Variants in TMCC1 observed in about 807,000 individuals in gnomAD.
TMCC1 encodes the protein transmembrane and coiled-coil domains protein 1.
In TMCC1, 15 loss-of-function variants were observed where a neutral mutation model predicts 52.4. The observed-to-expected ratio is 0.29, with a 90% confidence interval of 0.19 to 0.44. TMCC1 has a LOEUF of 0.44. TMCC1 is among the 20% of genes least tolerant of loss of function. The probability of loss-of-function intolerance (pLI) is 1.00; values close to 1 mark genes in which losing one functional copy is unlikely to be tolerated. For missense variants in TMCC1, 503 were observed against 806.0 expected (o/e 0.62, Z 4.55); for synonymous variants, 279 against 301.9 (o/e 0.92, Z 0.79).
intron 4 of TMCC1, among the ~76,000 whole-genome samples, chr3:129,765,652 A>G (rs1443233563): frequency 6.6e-6 from 1 of 152,150 alleles, no homozygotes; most frequent in East Asian, 1.9e-4. Flanking sequence ...CTCCTAGCTT[A>G]CCCAGAATTT....
chr3:129,774,619 G>A (rs2054876020), intron 4 of TMCC1, among the ~76,000 whole-genome samples: 1 of 152,168 alleles, frequency 6.6e-6, no homozygotes, highest in Non-Finnish European at 1.5e-5. Context: ...AGAGCTGGCA[G>A]ATCAGAAACC....
intron 4 of TMCC1, among the ~76,000 whole-genome samples, chr3:129,756,649 G>A (rs1369056285): frequency 1.3e-5 from 2 of 150,668 alleles, no homozygotes; most frequent in Non-Finnish European, 3.0e-5. Flanking sequence ...CACCCACCTC[G>A]GCCTCCCAAA....
chr3:129,759,452 G>C (rs914016291), intron 4 of TMCC1, among the ~76,000 whole-genome samples: 1 of 151,750 alleles, frequency 6.6e-6, no homozygotes, highest in Non-Finnish European at 1.5e-5. Flanking sequence ...GTTTTTAGTA[G>C]AGATGGGGTT....
intron 4 of TMCC1, chr3:129,688,709 G>C: frequency 4.1e-6 from 4 of 985,458 alleles, no homozygotes; most frequent in Non-Finnish European, 4.8e-6. Context: ...CGCGCACGCA[G>C]TTTGCTAGAG....
At chr3:129,770,115 A>C (rs916509435) in intron 4 of TMCC1, among the ~76,000 whole-genome samples, 1 of 152,150 alleles carries the variant, frequency 6.6e-6, no homozygotes, top group African/African-American at 2.4e-5. Context: ...TTGGGAAGCA[A>C]CTCTAAGGTT....
At chr3:129,721,776 T>C (rs145882721) in intron 4 of TMCC1, among the ~76,000 whole-genome samples, 127 of 151,310 alleles carry the variant, frequency 8.4e-4, no homozygotes, top group Middle Eastern at 7.0e-3. Flanking sequence ...CTCGTGAGGC[T>C]GAGGCAGGAG....
chr3:129,873,076 T>C (rs926536086), intron 2 of TMCC1, among the ~76,000 whole-genome samples: 3 of 152,072 alleles, frequency 2.0e-5, no homozygotes, highest in East Asian at 3.9e-4. Context: ...AGTTTTTGTA[T>C]TTTTAGTAGA....
chr3:129,765,874 G>C (rs1440778990), intron 4 of TMCC1, among the ~76,000 whole-genome samples: 2 of 151,636 alleles, frequency 1.3e-5, no homozygotes, highest in Admixed American at 6.6e-5. Context: ...CTAAAACTGG[G>C]AAGAGGAGGG....
chr3:129,713,137 C>T (rs1375659474), intron 4 of TMCC1, among the ~76,000 whole-genome samples: 1 of 152,116 alleles, frequency 6.6e-6, no homozygotes, highest in African/African-American at 2.4e-5. Flanking sequence ...CGGTGCACAC[C>T]TGCAGTCCCA....
chr3:129,750,995 T>C (rs1208813768), intron 4 of TMCC1, among the ~76,000 whole-genome samples: 1 of 151,510 alleles, frequency 6.6e-6, no homozygotes, highest in Non-Finnish European at 1.5e-5. Context: ...AGCCCAAGAG[T>C]TCGAGACCAG....
At chr3:129,788,157 CA>C (rs2056174894) in intron 4 of TMCC1, among the ~76,000 whole-genome samples, 1 of 152,088 alleles carries the variant, frequency 6.6e-6, no homozygotes, top group Non-Finnish European at 1.5e-5. Context: ...AAATAATACT[CA>C]AATCAAACCA....
intron 2 of TMCC1, among the ~76,000 whole-genome samples, chr3:129,854,440 A>T (rs2060059864): frequency 6.6e-6 from 1 of 151,992 alleles, no homozygotes; most frequent in Non-Finnish European, 1.5e-5. Context: ...TCTTGCTTAA[A>T]AACCCTTTAA....
At chr3:129,674,291 T>C (rs567135964) in intron 4 of TMCC1, among the ~76,000 whole-genome samples, 1 of 152,314 alleles carries the variant, frequency 6.6e-6, no homozygotes, top group Non-Finnish European at 1.5e-5. Flanking sequence ...TTTGGAGCCA[T>C]AGTGTGTCCT....
At chr3:129,802,715 A>T (rs899414463) in intron 4 of TMCC1, among the ~76,000 whole-genome samples, 1 of 152,116 alleles carries the variant, frequency 6.6e-6, no homozygotes, top group Non-Finnish European at 1.5e-5. Context: ...CATGTCGCAC[A>T]CCTGTTTGTG....
chr3:129,760,452 CTCTG>C (rs1438208036), intron 4 of TMCC1, among the ~76,000 whole-genome samples: 3 of 68,346 alleles, frequency 4.4e-5, no homozygotes, highest in African/African-American at 1.4e-4. Context: ...GACAGTCTCG[CTCTG>C]TGTGTGTGTG....
intron 4 of TMCC1, among the ~76,000 whole-genome samples, chr3:129,703,397 G>A (rs1366409853): frequency 6.6e-6 from 1 of 152,160 alleles, no homozygotes; most frequent in Non-Finnish European, 1.5e-5. Flanking sequence ...TACAACTACA[G>A]TATTCTGCTG....
chr3:129,783,772 GGTCT>G (rs972787809), intron 4 of TMCC1, among the ~76,000 whole-genome samples: 7 of 152,132 alleles, frequency 4.6e-5, no homozygotes, highest in Admixed American at 1.3e-4. Context: ...GAAATTAAAT[GGTCT>G]GTCTAAAATT....
At chr3:129,710,227 A>G (rs2048570755) in intron 4 of TMCC1, among the ~76,000 whole-genome samples, 1 of 152,100 alleles carries the variant, frequency 6.6e-6, no homozygotes, top group Non-Finnish European at 1.5e-5. Context: ...AAACTGTGTA[A>G]GTACTAAAAA....
At chr3:129,884,139 A>C (rs2061587059) in intron 1 of TMCC1, among the ~76,000 whole-genome samples, 1 of 152,200 alleles carries the variant, frequency 6.6e-6, no homozygotes, top group South Asian at 2.1e-4. Context: ...TGTGCACTAC[A>C]AGAAACATTA....
Sources: gnomAD v4.1 joint callset for allele counts (sites outside exome capture counted in the v4.1 genomes callset) on GRCh38, gnomAD v4.1.1 for gene constraint, MANE v1.5 for transcripts, NCBI Gene and HGNC (gene_info 2026-07-23, HGNC 2026-07-21) for gene names.